BRD9: variants seen among roughly 807,000 people sequenced by gnomAD.
BRD9 encodes bromodomain containing 9.
BRD9 carries 47 observed loss-of-function variants against 68.7 expected under a neutral mutation model. The observed-to-expected ratio is 0.68, with a 90% CI of 0.54 to 0.87. The LOEUF (loss-of-function observed/expected upper bound fraction) is 0.87. Among genes scored for constraint, BRD9 ranks in the 40% least tolerant of loss-of-function variants. The pLI, the probability that BRD9 is intolerant of heterozygous loss-of-function variation, is 0.00. For synonymous variants in BRD9, 313 were observed against 293.9 expected (o/e 1.06, Z -0.67); for missense variants, 670 against 748.4 (o/e 0.90, Z 1.22).
intron 2 of BRD9, 138 bp from the exon 3 acceptor site, chr5:891,425 C>A (rs1753379222): frequency 2.2e-6 from 3 of 1,369,168 alleles, no homozygotes; most frequent in Non-Finnish European, 2.9e-6. Context: ...TGCCAGGCTC[C>A]CTCCTCACAG....
intron 6 of BRD9, 24 bp from the exon 7 acceptor site, chr5:886,731 T>A (rs1752627030): frequency 6.2e-7 from 1 of 1,614,000 alleles, no homozygotes; most frequent in Non-Finnish European, 8.5e-7. Context: ...ATGTCCTGCA[T>A]AAACGACATG....
chr5:869,164 T>C, intron 14 of BRD9: 1 of 363,414 alleles, frequency 2.8e-6, no homozygotes, highest in East Asian at 7.9e-5. Flanking sequence ...ACTGAACGGA[T>C]TCCCACTCTT....
At position 865,445 on chromosome 5, in the gene BRD9, G is replaced by T; in HGVS notation, c.1662C>A (p.Ser554=). 1 of 1,593,786 alleles carries T rather than the reference G, an allele frequency of 6.3e-7. No individual in the cohort carries two copies. ...SRPSSNLSSL[S]NASERDQHHL... Reference sequence around the variant, plus strand: ...GGTGCTGGTCCCTCTCGGAGGCGTTGGACAGGGAGCTGAGGTTGGACGACG... The same window carrying T: ...GGTGCTGGTCCCTCTCGGAGGCGTTTGACAGGGAGCTGAGGTTGGACGACG... The change falls in exon 15 of 16, where the codon TCC becomes TCA. Residue 554 remains serine (S), a synonymous_variant. Coordinates refer to ENST00000467963, the MANE Select transcript of BRD9 (RefSeq NM_023924.5).
chr5:867,991 T>C (rs1261013796), intron 14 of BRD9, among the ~76,000 whole-genome samples: 1 of 152,240 alleles, frequency 6.6e-6, no homozygotes, highest in Non-Finnish European at 1.5e-5. Context: ...CCAAATCTCA[T>C]GTTGAATTGT....
rs142520091 is a variant in BRD9, at chr5:864,165, C to T, written c.*303G>A. The T allele has an allele frequency of 7.2e-3, 1,660 of 229,118 alleles. 23 individuals carry two copies. The highest frequency in any genetic ancestry group is 0.034 in the African/African-American group (1,500 of 43,888). 14.2% of individuals were successfully genotyped at this position (229,118 alleles called of 1,614,324 possible). A position where few individuals can be genotyped will look rare whatever the true frequency, so the allele number is the denominator to read the frequency against. On this transcript the variant is annotated 3_prime_UTR_variant, in exon 16 of 16. Coordinates refer to ENST00000467963, the MANE Select transcript of BRD9 (RefSeq NM_023924.5). ...GGGCTGTGTACAGAGACTCTCTCTG[C>T]TGACACGATGGCCACACGCCCTTCG...
chr5:870,779 T>C (rs1750025399), intron 13 of BRD9, among the ~76,000 whole-genome samples: 1 of 152,174 alleles, frequency 6.6e-6, no homozygotes, highest in Non-Finnish European at 1.5e-5. Flanking sequence ...TGCAAATCCA[T>C]GTCAAAGAAA....
chr5:880,995 A>T, intron 9 of BRD9, 112 bp downstream of exon 9: 1 of 1,095,196 alleles, frequency 9.1e-7, no homozygotes, highest in Non-Finnish European at 1.3e-6. Flanking sequence ...GAAGCCGGGC[A>T]GCCTCTCATG....
At chr5:880,511 G>A (rs540828995) in intron 9 of BRD9, among the ~76,000 whole-genome samples, 11 of 152,224 alleles carry the variant, frequency 7.2e-5, no homozygotes, top group South Asian at 2.1e-4. Context: ...GGGTGAGAGC[G>A]AGGGAAGCAG....
intron 8 of BRD9, chr5:882,214 C>G (rs556389792): frequency 5.4e-4 from 83 of 153,336 alleles, no homozygotes; most frequent in African/African-American, 1.8e-3. Flanking sequence ...CAAGGCTGTC[C>G]AAAAGAACTA....
At chr5:865,263 G>A (rs978395326) in intron 15 of BRD9, 151 bp downstream of exon 15, 10 of 1,080,140 alleles carry the variant, frequency 9.3e-6, no homozygotes, top group South Asian at 3.5e-5. Context: ...GCGACCCAAG[G>A]ACATCTGTGG....
At chr5:874,381 C>T (rs772871444) in intron 12 of BRD9, among the ~76,000 whole-genome samples, 1 of 152,210 alleles carries the variant, frequency 6.6e-6, no homozygotes, top group Non-Finnish European at 1.5e-5. Context: ...GAAATCGTTA[C>T]TCATATTTTT....
At position 891,029 on chromosome 5, in the gene BRD9, G is replaced by A. The variant is rs748988480; in HGVS notation, c.400+126C>T. ...TCAGGCCAGAGGACACCTGGGATGA[G>A]GCCCTGGAAATACCAGCTCTCCTCC... On this transcript the variant is annotated intron_variant, in intron 3 of 15. Transcript: ENST00000467963. 13 of 1,246,792 alleles carry A rather than the reference G, an allele frequency of 1.0e-5. No homozygotes were observed. The Admixed American group carries it at 3.8e-4, about 37-fold the overall frequency. 77.2% of individuals were successfully genotyped at this position (1,246,792 alleles called of 1,614,324 possible).
At chr5:884,146 A>G in intron 7 of BRD9, 76 bp from the exon 8 acceptor site, 1 of 1,567,118 alleles carries the variant, frequency 6.4e-7, no homozygotes, top group South Asian at 1.1e-5. Context: ...GTCGGCACCT[A>G]ACCCAGCTTC....
intron 7 of BRD9, 63 bp downstream of exon 7, chr5:886,529 A>G: frequency 6.8e-7 from 1 of 1,470,402 alleles, no homozygotes; most frequent in East Asian, 2.3e-5. Flanking sequence ...CCTACAAGGC[A>G]CCTGCTTTCC....
intron 8 of BRD9, 116 bp downstream of exon 8, chr5:883,822 G>A (rs964202521): frequency 1.3e-5 from 18 of 1,437,128 alleles, no homozygotes; most frequent in East Asian, 6.9e-5. Context: ...AGGGCCCCAC[G>A]CTGACCTCTG....
intron 2 of BRD9, 130 bp downstream of exon 2, chr5:891,510 C>A: frequency 7.1e-7 from 1 of 1,411,194 alleles, no homozygotes; most frequent in Non-Finnish European, 9.3e-7. Flanking sequence ...CAGCGGTTCG[C>A]GTTTTGCTAC....
chr5:872,554 C>T (rs1010131705), intron 12 of BRD9, among the ~76,000 whole-genome samples: 3 of 152,134 alleles, frequency 2.0e-5, no homozygotes, highest in Non-Finnish European at 4.4e-5. Context: ...CTGCAGGCCA[C>T]GACACGGGAG....
rs1560938597 is a variant in BRD9 at position 892,630 on chromosome 5, CCTTGTGCTT to C, written c.19_27del (p.Lys7_Lys9del). 8 of 1,509,886 alleles carry C rather than the reference CCTTGTGCTT, an allele frequency of 5.3e-6. No individual in the cohort carries two copies. The highest frequency in any genetic ancestry group is 2.5e-5 in the South Asian group (2 of 81,070). The allele number at this position is 1,509,886 out of a possible 1,614,324, so 93.5% of individuals were successfully genotyped here. ...CCCTCGTAGGACGAGCGCCACTCGG[CCTTGTGCTT>C]CTTGTGCTTCTTGCCCATGGCGGCG... On this transcript the variant is annotated inframe_deletion, in exon 1 of 16. Transcript: ENST00000467963.
At chr5:875,621 A>C in intron 12 of BRD9, among the ~76,000 whole-genome samples, 1 of 152,202 alleles carries the variant, frequency 6.6e-6, no homozygotes, top group Non-Finnish European at 1.5e-5. Context: ...TGCTGGGATT[A>C]CAAGTGTGAG....
Sources: allele counts gnomAD v4.1 joint callset (sites outside exome capture counted in the v4.1 genomes callset), GRCh38; gene constraint gnomAD v4.1.1; transcripts MANE v1.5; gene names NCBI Gene and HGNC (gene_info 2026-07-23, HGNC 2026-07-21).